STK33: variants seen among roughly 807,000 people sequenced by gnomAD.
The protein encoded by STK33 is serine/threonine-protein kinase 33.
Under a neutral mutation model 58.0 loss-of-function variants are expected in STK33, and 52 were observed. The ratio of observed to expected loss-of-function variants is 0.90; its 90% CI spans 0.72 to 1.13. The LOEUF is 1.13. Among genes scored for constraint, STK33 ranks in the 50% most tolerant of loss-of-function variants. The pLI is 0.00. For synonymous variants in STK33, 215 were observed against 200.1 expected (o/e 1.07, Z -0.63); for missense variants, 630 against 604.2 (o/e 1.04, Z -0.45).
intron 1 of STK33, among the ~76,000 whole-genome samples, chr11:8,536,224 T>C (rs1367685664): frequency 6.6e-6 from 1 of 152,182 alleles, no homozygotes; most frequent in Non-Finnish European, 1.5e-5. Context: ...AAAAATGTAT[T>C]GTACTCAGGT....
At chr11:8,344,475 T>C in the STK33 span, among the ~76,000 whole-genome samples, 1 of 152,224 alleles carries the variant, frequency 6.6e-6, no homozygotes, top group African/African-American at 2.4e-5. Context: ...ACTCCTTTCA[T>C]CCTTACAATT....
At chr11:8,373,432 G>A in the STK33 span, among the ~76,000 whole-genome samples, 1 of 152,140 alleles carries the variant, frequency 6.6e-6, no homozygotes, top group Non-Finnish European at 1.5e-5. Flanking sequence ...AGGAGCCCTG[G>A]GTTAAAGGCA....
intron 1 of STK33, among the ~76,000 whole-genome samples, chr11:8,518,960 G>C (rs1953097758): frequency 1.3e-5 from 2 of 152,288 alleles, no homozygotes; most frequent in South Asian, 4.1e-4. Context: ...AGGATATCCA[G>C]GAATTGAACT....
At chr11:8,552,881 T>C (rs1245889493) in intron 1 of STK33, among the ~76,000 whole-genome samples, 1 of 151,902 alleles carries the variant, frequency 6.6e-6, no homozygotes, top group Non-Finnish European at 1.5e-5. Flanking sequence ...TGCTGGGTGA[T>C]GGCTCATGTC....
intron 1 of STK33, among the ~76,000 whole-genome samples, chr11:8,489,695 C>G (rs1950459838): frequency 6.6e-6 from 1 of 152,186 alleles, no homozygotes; most frequent in Non-Finnish European, 1.5e-5. Flanking sequence ...AATACTGTTA[C>G]AATGACAATT....
At chr11:8,522,019 C>T (rs2139847351) in intron 1 of STK33, among the ~76,000 whole-genome samples, 1 of 152,270 alleles carries the variant, frequency 6.6e-6, no homozygotes, top group Non-Finnish European at 1.5e-5. Context: ...CACTTTTACA[C>T]TGTTGGTGGG....
intron 15 of STK33, among the ~76,000 whole-genome samples, chr11:8,397,820 G>A (rs1849629476): frequency 7.4e-6 from 1 of 134,354 alleles, no homozygotes; most frequent in South Asian, 2.7e-4. Flanking sequence ...AAATGCATAA[G>A]CCTCAGTAGC....
chr11:8,465,380 A>G (rs1372353819), intron 6 of STK33: 1 of 151,922 alleles, frequency 6.6e-6, no homozygotes, highest in Non-Finnish European at 1.5e-5. Flanking sequence ...AACACAGATC[A>G]GCACTGAGAA....
At chr11:8,577,659 T>C (rs972136778) in intron 1 of STK33, among the ~76,000 whole-genome samples, 1 of 152,094 alleles carries the variant, frequency 6.6e-6, no homozygotes, top group African/African-American at 2.4e-5. Flanking sequence ...TGTGTAATAT[T>C]AACATTTATT....
At chr11:8,475,597 G>A (rs1393223372) in intron 4 of STK33, 1 of 152,130 alleles carries the variant, frequency 6.6e-6, no homozygotes, top group Non-Finnish European at 1.5e-5. Flanking sequence ...AAAAGTTTAA[G>A]TATCCTCATA....
intron 15 of STK33, among the ~76,000 whole-genome samples, chr11:8,405,679 A>G (rs1939006891): frequency 6.6e-6 from 1 of 152,148 alleles, no homozygotes; most frequent in African/African-American, 2.4e-5. Flanking sequence ...GGAGCTTTAC[A>G]GTTTCGCTTT....
At chr11:8,371,666 C>A in the STK33 span, among the ~76,000 whole-genome samples, 1 of 147,862 alleles carries the variant, frequency 6.8e-6, no homozygotes, top group East Asian at 2.0e-4. Flanking sequence ...TTCTTTCTTT[C>A]CTTTCTCTCC....
At chr11:8,396,409 T>C (rs578119800) in intron 15 of STK33, among the ~76,000 whole-genome samples, 1 of 152,238 alleles carries the variant, frequency 6.6e-6, no homozygotes, top group East Asian at 1.9e-4. Context: ...TTTCTCTCTT[T>C]ACTAAATTCC....
At position 8,489,834 on chromosome 11, in the gene STK33, G is replaced by A. The variant is rs114726291; in HGVS notation, c.-465-9220C>T. On this transcript the variant is annotated intron_variant, in intron 1 of 15. Coordinates refer to ENST00000687296, the MANE Select transcript of STK33 (RefSeq NM_001352389.2). ...ACTAAAATGAAAACTTCACTACAGCGGCTCAACTGCAGTTTTGAGCAGGCA... is the reference window on the plus strand; with the variant it reads ...ACTAAAATGAAAACTTCACTACAGCAGCTCAACTGCAGTTTTGAGCAGGCA... 8.0e-3 allele frequency among the ~76,000 whole-genome samples: 1,213 copies of A among 152,084 alleles called. 21 individuals are homozygous for A. The highest frequency in any genetic ancestry group is 0.026 in the African/African-American group (1,081 of 41,478).
At chr11:8,543,881 C>T (rs951693325) in intron 1 of STK33, among the ~76,000 whole-genome samples, 9 of 152,052 alleles carry the variant, frequency 5.9e-5, no homozygotes, top group African/African-American at 2.2e-4. Context: ...ACTATGTACT[C>T]ACAAAAATTA....
chr11:8,576,934 C>G (rs1958228177), intron 1 of STK33, among the ~76,000 whole-genome samples: 1 of 152,154 alleles, frequency 6.6e-6, no homozygotes, highest in South Asian at 2.1e-4. Context: ...AAGAATTGCT[C>G]TACTTCCCCG....
intron 1 of STK33, among the ~76,000 whole-genome samples, chr11:8,543,909 A>G (rs1591715010): frequency 6.6e-6 from 1 of 152,048 alleles, no homozygotes; most frequent in Non-Finnish European, 1.5e-5. Context: ...AAAAGAAAAC[A>G]CTCATTGTGT....
chr11:8,557,248 G>GAAGAAGGGAA (rs145181993), intron 1 of STK33, among the ~76,000 whole-genome samples: 7 of 41,190 alleles, frequency 1.7e-4, no homozygotes, highest in African/African-American at 6.8e-4. Flanking sequence ...GGGACCTTGT[G>GAAGAAGGGAA]GGGAAGGGAA....
intron 1 of STK33, among the ~76,000 whole-genome samples, chr11:8,579,491 T>G (rs1386916624): frequency 1.3e-5 from 2 of 152,036 alleles, no homozygotes; most frequent in Non-Finnish European, 2.9e-5. Context: ...GAGCATATAT[T>G]TTTATCTCTC....
Sources: allele counts gnomAD v4.1 joint callset (sites outside exome capture counted in the v4.1 genomes callset), GRCh38; gene constraint gnomAD v4.1.1; transcripts MANE v1.5; gene names NCBI Gene and HGNC (gene_info 2026-07-23, HGNC 2026-07-21).